KHDRBS3: variants seen among roughly 807,000 people sequenced by gnomAD.
The protein encoded by KHDRBS3 is KH domain-containing, RNA-binding, signal transduction-associated protein 3.
In KHDRBS3, 23 loss-of-function variants were observed where a neutral mutation model predicts 45.6. The observed-to-expected ratio is 0.50, with a 90% CI of 0.36 to 0.72. The LOEUF is 0.72. Ranked by LOEUF, KHDRBS3 falls within the 30% of genes least tolerant of loss-of-function variation. The pLI is 0.00. For synonymous variants in KHDRBS3, 162 were observed against 156.5 expected (o/e 1.04, Z -0.26); for missense variants, 352 against 424.8 (o/e 0.83, Z 1.51).
intron 1 of KHDRBS3, among the ~76,000 whole-genome samples, chr8:135,487,666 G>C (rs1822932110): frequency 6.6e-6 from 1 of 152,174 alleles, no homozygotes; most frequent in African/African-American, 2.4e-5. Flanking sequence ...AAATGGGATG[G>C]AAGGAGAAAA....
intron 1 of KHDRBS3, among the ~76,000 whole-genome samples, chr8:135,459,385 T>G (rs4909914): frequency 0.57 from 86,719 of 152,006 alleles, 25,388 homozygotes; most frequent in East Asian, 0.77. Context: ...TTTTATTTCT[T>G]TAATAAAATG....
rs187104446 is a variant in KHDRBS3, at chr8:135,614,887, G to A, written c.890+7850G>A. On this transcript the variant is annotated intron_variant, in intron 7 of 8. Coordinates refer to ENST00000355849, the MANE Select transcript of KHDRBS3 (RefSeq NM_006558.3). ...GACTTTGCAGTGGGGAAGAGAGACC[G>A]GGCTCCACTCTGCATCTAGCATTGG... Among the ~76,000 whole-genome samples, 72 of 151,902 alleles carry A rather than the reference G, an allele frequency of 4.7e-4. 1 individual carries two copies. The highest frequency in any genetic ancestry group is 3.1e-3 in the Admixed American group (48 of 15,252).
chr8:135,468,683 A>G (rs1019312087), intron 1 of KHDRBS3, among the ~76,000 whole-genome samples: 2 of 152,240 alleles, frequency 1.3e-5, no homozygotes, highest in Non-Finnish European at 2.9e-5. Flanking sequence ...CAGCAGAGAA[A>G]CTAGGAGCCC....
At chr8:135,548,426 G>T (rs758843247) in intron 3 of KHDRBS3, among the ~76,000 whole-genome samples, 1 of 152,194 alleles carries the variant, frequency 6.6e-6, no homozygotes, top group African/African-American at 2.4e-5. Context: ...GGCAGTGGCT[G>T]CGGAGGGTTG....
chr8:135,600,745 G>T (rs1307842024), intron 6 of KHDRBS3, among the ~76,000 whole-genome samples: 2 of 152,220 alleles, frequency 1.3e-5, no homozygotes, highest in African/African-American at 4.8e-5. Flanking sequence ...GAATGCAGTG[G>T]CCTGGTCTTG....
At chr8:135,613,832 A>G (rs1210267093) in intron 7 of KHDRBS3, among the ~76,000 whole-genome samples, 1 of 151,506 alleles carries the variant, frequency 6.6e-6, no homozygotes, top group East Asian at 1.9e-4. Context: ...GTTGGGTATG[A>G]TCTGTTGTGT....
chr8:135,588,066 C>T (rs892853229), intron 6 of KHDRBS3, among the ~76,000 whole-genome samples: 2 of 152,170 alleles, frequency 1.3e-5, no homozygotes, highest in Non-Finnish European at 2.9e-5. Context: ...ACGCCATTTA[C>T]CAGGAGTTAG....
intron 2 of KHDRBS3, among the ~76,000 whole-genome samples, chr8:135,522,248 C>G (rs1236720104): frequency 6.6e-6 from 1 of 152,196 alleles, no homozygotes; most frequent in African/African-American, 2.4e-5. Flanking sequence ...TAGCTTCCAG[C>G]TCCTTCCATG....
chr8:135,509,951 A>G (rs1824187837), intron 1 of KHDRBS3, among the ~76,000 whole-genome samples: 1 of 146,708 alleles, frequency 6.8e-6, no homozygotes, highest in Non-Finnish European at 1.5e-5. Flanking sequence ...ACTTAGGTAC[A>G]TTGAAATTTT....
chr8:135,509,987 T>C (rs1320971634), intron 1 of KHDRBS3, among the ~76,000 whole-genome samples: 1 of 150,658 alleles, frequency 6.6e-6, no homozygotes, highest in Non-Finnish European at 1.5e-5. Context: ...TTTTTTTTTT[T>C]TTTTTGCTTA....
chr8:135,589,624 G>T (rs56042955), intron 6 of KHDRBS3, among the ~76,000 whole-genome samples: 4 of 152,196 alleles, frequency 2.6e-5, no homozygotes, highest in African/African-American at 9.7e-5. Flanking sequence ...ATCAAGCATA[G>T]TTAGCAGCAT....
chr8:135,582,889 C>G (rs1033435702), intron 6 of KHDRBS3, among the ~76,000 whole-genome samples: 11 of 152,202 alleles, frequency 7.2e-5, no homozygotes, highest in African/African-American at 2.7e-4. Context: ...CAATAATCCC[C>G]TGGGCCTCAG....
chr8:135,548,688 T>C, intron 3 of KHDRBS3, 66 bp from the exon 4 acceptor site: 1 of 1,227,108 alleles, frequency 8.1e-7, no homozygotes, highest in Non-Finnish European at 1.1e-6. Context: ...TATTTATTTA[T>C]TTATTTATCT....
At chr8:135,461,577 A>G (rs754568040) in intron 1 of KHDRBS3, among the ~76,000 whole-genome samples, 1 of 152,220 alleles carries the variant, frequency 6.6e-6, no homozygotes, top group Non-Finnish European at 1.5e-5. Context: ...GTGGTGTTGC[A>G]TGTTTTATAT....
chr8:135,570,628 T>C (rs1233383403), intron 5 of KHDRBS3, among the ~76,000 whole-genome samples: 1 of 152,334 alleles, frequency 6.6e-6, no homozygotes, highest in South Asian at 2.1e-4. Flanking sequence ...CTTGTTTCTC[T>C]ACCGGGTTTA....
chr8:135,597,517 G>A (rs960892817), intron 6 of KHDRBS3, among the ~76,000 whole-genome samples: 4 of 152,144 alleles, frequency 2.6e-5, no homozygotes, highest in Admixed American at 6.5e-5. Flanking sequence ...AGTCTTGTCT[G>A]TAAGGATTTC....
At chr8:135,507,990 T>A (rs184766384) in intron 1 of KHDRBS3, among the ~76,000 whole-genome samples, 2 of 152,244 alleles carry the variant, frequency 1.3e-5, no homozygotes, top group Non-Finnish European at 2.9e-5. Flanking sequence ...AAACATTGAG[T>A]ATGAGTAGAA....
chr8:135,641,942 T>C (rs950869830), intron 7 of KHDRBS3, among the ~76,000 whole-genome samples: 1 of 152,254 alleles, frequency 6.6e-6, no homozygotes. Context: ...TGAAAATTGA[T>C]CTGCTCTCTT....
intron 4 of KHDRBS3, among the ~76,000 whole-genome samples, chr8:135,557,008 T>C (rs190606375): frequency 5.0e-4 from 76 of 152,328 alleles, no homozygotes; most frequent in African/African-American, 1.8e-3. Context: ...TGTGTATGTA[T>C]ATATATCCTT....
Sources: allele counts gnomAD v4.1 joint callset (sites outside exome capture counted in the v4.1 genomes callset), GRCh38; gene constraint gnomAD v4.1.1; transcripts MANE v1.5; gene names NCBI Gene and HGNC (gene_info 2026-07-23, HGNC 2026-07-21).